The following CLIC5 variants were observed in gnomAD, a reference collection of about 807,000 sequenced individuals.
CLIC5 encodes chloride intracellular channel protein 5.
Under a neutral mutation model 24.7 loss-of-function variants are expected in CLIC5, and 20 were observed. The ratio of observed to expected loss-of-function variants is 0.81; its 90% confidence interval spans 0.57 to 1.18. The LOEUF (loss-of-function observed/expected upper bound fraction) is 1.18, where lower values mean the gene tolerates loss of function less well. CLIC5 is among the 50% of genes most tolerant of loss of function. CLIC5 has a pLI of 0.00. For synonymous variants in CLIC5, 159 were observed against 135.6 expected, an observed-to-expected ratio of 1.17 and a Z score of -1.20; for missense variants, 341 against 326.1, an observed-to-expected ratio of 1.05 and a Z score of -0.35.
At chr6:46,001,246 C>T (rs1766346209) in intron 1 of CLIC5, among the ~76,000 whole-genome samples, 1 of 152,148 alleles carries the variant, frequency 6.6e-6, no homozygotes, top group African/African-American at 2.4e-5. Context: ...AGAGAAGGTC[C>T]TGGGGTCTTG....
chr6:46,043,894 G>T (rs955902524), intron 1 of CLIC5, among the ~76,000 whole-genome samples: 1 of 152,192 alleles, frequency 6.6e-6, no homozygotes, highest in Non-Finnish European at 1.5e-5. Context: ...TTAAAAGGAG[G>T]GACAGCCCAC....
chr6:45,932,845 G>A (rs1305197483), intron 4 of CLIC5: 1 of 152,292 alleles, frequency 6.6e-6, no homozygotes, highest in African/African-American at 2.4e-5. Flanking sequence ...TGCACCTGTG[G>A]CTGGCTTGCC....
intron 1 of CLIC5, among the ~76,000 whole-genome samples, chr6:46,026,144 T>C (rs1352061255): frequency 6.6e-6 from 1 of 152,172 alleles, no homozygotes; most frequent in Non-Finnish European, 1.5e-5. Context: ...AGACATAAAA[T>C]ACTATTGAGA....
At chr6:46,076,974 T>C (rs1172884621) in intron 1 of CLIC5, among the ~76,000 whole-genome samples, 1 of 151,758 alleles carries the variant, frequency 6.6e-6, no homozygotes, top group Non-Finnish European at 1.5e-5. Flanking sequence ...CCGTCTCTAC[T>C]AAAAATACAA....
chr6:45,936,189 C>T lies in CLIC5; in HGVS notation c.406+5358G>A, dbSNP rs570721267. On this transcript the variant is annotated intron_variant, in intron 4 of 5. Coordinates refer to ENST00000339561, the MANE Select transcript of CLIC5 (RefSeq NM_016929.5). ...TACCCGAGATAACTGCTCAGAACAA[C>T]GGCTGACTTTTTTTTTTTTTTTTTT... Among the ~76,000 whole-genome samples the T allele has an allele frequency of 5.8e-4, 85 of 146,752 alleles. 1 individual carries two copies. The highest frequency in any genetic ancestry group is 2.1e-3 in the African/African-American group (82 of 39,504).
rs144875991 is a variant in CLIC5, at chr6:45,939,115, C to T, written c.406+2432G>A. 3.4e-3 allele frequency among the ~76,000 whole-genome samples: 516 copies of T among 152,114 alleles called. 2 individuals carry two copies. Among genetic ancestry groups the T allele is most frequent in the African/African-American group, 0.012 (481 of 41,484 alleles). On this transcript the variant is annotated intron_variant, in intron 4 of 5. Transcript: ENST00000339561. Reference sequence around the variant, plus strand: ...GTCCTTCCTTGCCTCTTCCAGCTTCCGGAAAGCTAAGAGTTCCCTGGCTTG... The same window carrying T: ...GTCCTTCCTTGCCTCTTCCAGCTTCTGGAAAGCTAAGAGTTCCCTGGCTTG...
At chr6:46,077,756 A>G (rs577264234) in intron 1 of CLIC5, among the ~76,000 whole-genome samples, 2 of 152,308 alleles carry the variant, frequency 1.3e-5, no homozygotes, top group South Asian at 4.1e-4. Context: ...AAGAATGTAA[A>G]CTTAAAGAGT....
At chr6:46,058,401 A>T (rs1004165227) in intron 1 of CLIC5, among the ~76,000 whole-genome samples, 3 of 152,206 alleles carry the variant, frequency 2.0e-5, no homozygotes, top group African/African-American at 7.2e-5. Context: ...CAATAATCAG[A>T]GATATTAAGG....
chr6:46,049,827 T>C (rs1768054372), intron 1 of CLIC5, among the ~76,000 whole-genome samples: 1 of 152,222 alleles, frequency 6.6e-6, no homozygotes, highest in South Asian at 2.1e-4. Context: ...TGGTAAGTTA[T>C]AGTTAATTGT....
chr6:45,917,084 A>T (rs1763061634), intron 4 of CLIC5, among the ~76,000 whole-genome samples: 1 of 152,106 alleles, frequency 6.6e-6, no homozygotes, highest in East Asian at 1.9e-4. Context: ...AAGCGCTTGG[A>T]TCTGATTTCA....
chr6:46,009,690 C>T (rs1359542626), intron 1 of CLIC5, among the ~76,000 whole-genome samples: 2 of 152,110 alleles, frequency 1.3e-5, no homozygotes, highest in Non-Finnish European at 2.9e-5. Context: ...GCACCTATGG[C>T]TATGCATAGC....
chr6:46,014,599 C>A (rs1211378619), intron 1 of CLIC5: 3 of 152,246 alleles, frequency 2.0e-5, no homozygotes, highest in Non-Finnish European at 4.4e-5. Context: ...TACTCTCCCG[C>A]AGCCTCAGGT....
At chr6:45,957,499 T>G (rs1250096851) in intron 1 of CLIC5, among the ~76,000 whole-genome samples, 1 of 152,064 alleles carries the variant, frequency 6.6e-6, no homozygotes, top group Non-Finnish European at 1.5e-5. Context: ...AGCCTGAGGG[T>G]CCAGCCAGGT....
the CLIC5 span, among the ~76,000 whole-genome samples, chr6:46,116,984 G>T: frequency 6.6e-6 from 1 of 152,186 alleles, no homozygotes. Flanking sequence ...AACCAAGTAA[G>T]ACTCTAATGT....
chr6:46,038,609 C>A (rs1767726022), intron 1 of CLIC5, among the ~76,000 whole-genome samples: 1 of 152,226 alleles, frequency 6.6e-6, no homozygotes, highest in Non-Finnish European at 1.5e-5. Context: ...TTCATGTCAA[C>A]AGTTTTAGAA....
intron 6 of CLIC5, among the ~76,000 whole-genome samples, chr6:45,893,048 C>T (rs752997559): frequency 4.6e-5 from 7 of 152,198 alleles, no homozygotes; most frequent in Middle Eastern, 3.2e-3. Flanking sequence ...AATAACCACA[C>T]GATAGCTTTT....
At chr6:45,938,229 A>C (rs1398420898) in intron 4 of CLIC5, among the ~76,000 whole-genome samples, 2 of 152,224 alleles carry the variant, frequency 1.3e-5, no homozygotes, top group African/African-American at 4.8e-5. Flanking sequence ...CACAGAGCAG[A>C]AAGGGGATGG....
At chr6:46,048,114 T>C (rs948728066) in intron 1 of CLIC5, among the ~76,000 whole-genome samples, 1 of 151,940 alleles carries the variant, frequency 6.6e-6, no homozygotes, top group Non-Finnish European at 1.5e-5. Flanking sequence ...GCGATTCTCA[T>C]GCCTCAGCCT....
intron 4 of CLIC5, among the ~76,000 whole-genome samples, chr6:45,914,730 A>T (rs1762955945): frequency 6.6e-6 from 1 of 151,900 alleles, no homozygotes; most frequent in South Asian, 2.1e-4. Flanking sequence ...AGGCGGGCAG[A>T]TCATGACGTT....
Sources: allele counts gnomAD v4.1 joint callset (sites outside exome capture counted in the v4.1 genomes callset), GRCh38; gene constraint gnomAD v4.1.1; transcripts MANE v1.5; gene names NCBI Gene and HGNC (gene_info 2026-07-23, HGNC 2026-07-21).